The following PCDH17 variants were observed in gnomAD, a reference collection of about 807,000 sequenced individuals.
PCDH17 encodes protocadherin 17, also known as protocadherin-17.
PCDH17 carries 21 observed loss-of-function variants against 67.7 expected under a neutral mutation model. That is an observed-to-expected ratio of 0.31 (90% CI 0.22 to 0.45). PCDH17 has a LOEUF of 0.45. PCDH17 is among the 20% of genes least tolerant of loss of function. The pLI is 1.00. For synonymous variants in PCDH17, 701 were observed against 656.7 expected, an observed-to-expected ratio of 1.07 and a Z score of -1.03; for missense variants, 1,471 against 1,564.8, an observed-to-expected ratio of 0.94 and a Z score of 1.01.
At chr13:57,641,569 A>G (rs1954894931) in intron 1 of PCDH17, among the ~76,000 whole-genome samples, 1 of 22,092 alleles carries the variant, frequency 4.5e-5, no homozygotes, top group Admixed American at 4.2e-4. Flanking sequence ...AAAAAAAAAA[A>G]AAAAAAAAAA....
intron 3 of PCDH17, among the ~76,000 whole-genome samples, chr13:57,719,409 G>A (rs1259312116): frequency 6.6e-6 from 1 of 151,912 alleles, no homozygotes; most frequent in African/African-American, 2.4e-5. Flanking sequence ...ATAGATTTTG[G>A]TTTTTAAGTG....
chr13:57,671,279 A>G (rs1955318288), intron 3 of PCDH17, among the ~76,000 whole-genome samples: 1 of 151,738 alleles, frequency 6.6e-6, no homozygotes, highest in South Asian at 2.1e-4. Context: ...TAAAAATGGG[A>G]AAAGAAAACC....
Position 57,727,478 on chromosome 13 carries a change from A to G in PCDH17, c.*2184A>G, listed in dbSNP as rs1419038607. On this transcript the variant is annotated 3_prime_UTR_variant, in exon 4 of 4. Coordinates refer to ENST00000377918, the MANE Select transcript of PCDH17 (RefSeq NM_001040429.3). ...AAAATATTTCCGCCAAATGCCATCA[A>G]TATTTTAGACTGTACCTCGTTTGCA... The G allele has an allele frequency of 6.6e-6, 1 of 152,208 alleles. No homozygotes were observed. Among genetic ancestry groups the G allele is most frequent in the Non-Finnish European group, 1.5e-5 (1 of 68,024 alleles). The allele number at this position is 152,208 out of a possible 1,614,324, so 9.4% of individuals were successfully genotyped here.
chr13:57,630,753 AGACT>A (rs1457667528), upstream of PCDH17, among the ~76,000 whole-genome samples: 1 of 152,156 alleles, frequency 6.6e-6, no homozygotes, highest in Non-Finnish European at 1.5e-5. Context: ...TTCTTTCTAT[AGACT>A]GAGTCAGAGA....
intron 1 of PCDH17, among the ~76,000 whole-genome samples, chr13:57,642,485 T>C (rs1350008578): frequency 1.3e-5 from 2 of 151,710 alleles, no homozygotes; most frequent in Non-Finnish European, 3.0e-5. Flanking sequence ...ATCTATGCTT[T>C]ACAGTTACCT....
At chr13:57,701,969 G>A (rs1002401402) in intron 3 of PCDH17, among the ~76,000 whole-genome samples, 2 of 152,178 alleles carry the variant, frequency 1.3e-5, no homozygotes, top group East Asian at 3.9e-4. Flanking sequence ...CCAGGCTGGA[G>A]TGCAGTGGCA....
chr13:57,710,554 A>T (rs9597592), intron 3 of PCDH17, among the ~76,000 whole-genome samples: 10,311 of 151,974 alleles, frequency 0.068, 1,209 homozygotes, highest in African/African-American at 0.24. Context: ...GTAAAAAAAC[A>T]GGAAAAAGTA....
chr13:57,665,122 G>C (rs888341471), intron 1 of PCDH17, among the ~76,000 whole-genome samples: 3 of 151,974 alleles, frequency 2.0e-5, no homozygotes, highest in Non-Finnish European at 2.9e-5. Flanking sequence ...CGTGTACTTT[G>C]ATAAATGTCA....
Position 57,631,764 on chromosome 13 carries a change from G to A in PCDH17, c.-783G>A, listed in dbSNP as rs1566210514. On this transcript the variant is annotated 5_prime_UTR_variant, in exon 1 of 4. Coordinates refer to ENST00000377918, the MANE Select transcript of PCDH17 (RefSeq NM_001040429.3). ...ACGCTGCATTTCCTCCCCTCCCTTT[G>A]GCTGCTCGGAAAGGAGAGAGAGGAA... The A allele has an allele frequency of 7.8e-6, 1 of 129,010 alleles. No homozygotes were observed. 8.0% of individuals were successfully genotyped at this position (129,010 alleles called of 1,614,324 possible). A position where few individuals can be genotyped will look rare whatever the true frequency, so the allele number is the denominator to read the frequency against.
chr13:57,685,663 G>A (rs1955498295), intron 3 of PCDH17, among the ~76,000 whole-genome samples: 1 of 151,964 alleles, frequency 6.6e-6, no homozygotes, highest in Admixed American at 6.6e-5. Context: ...TCTTACCTGT[G>A]GGTGTGTGGT....
chr13:57,662,468 A>G (rs1253050711), intron 1 of PCDH17, among the ~76,000 whole-genome samples: 2 of 152,158 alleles, frequency 1.3e-5, no homozygotes, highest in Non-Finnish European at 2.9e-5. Flanking sequence ...TTTAAAAAAT[A>G]TTTGTTGAAC....
chr13:57,647,643 G>T (rs938721136), intron 1 of PCDH17, among the ~76,000 whole-genome samples: 10 of 151,732 alleles, frequency 6.6e-5, no homozygotes, highest in African/African-American at 2.4e-4. Context: ...TAATAGACAA[G>T]AAACTTTTGT....
At chr13:57,665,382 A>T (rs891006913) in intron 1 of PCDH17, among the ~76,000 whole-genome samples, 1 of 152,070 alleles carries the variant, frequency 6.6e-6, no homozygotes, top group African/African-American at 2.4e-5. Context: ...TGGGAAGAAG[A>T]AAAAAAGAAT....
At chr13:57,686,408 G>A (rs1277083005) in intron 3 of PCDH17, among the ~76,000 whole-genome samples, 4 of 152,080 alleles carry the variant, frequency 2.6e-5, no homozygotes, top group African/African-American at 9.6e-5. Flanking sequence ...ATATAAGGGA[G>A]AAGCATAACA....
intron 3 of PCDH17, among the ~76,000 whole-genome samples, chr13:57,706,295 T>C (rs1955720929): frequency 4.6e-5 from 7 of 152,134 alleles, no homozygotes; most frequent in Admixed American, 4.6e-4. Flanking sequence ...TTTGCCAAAT[T>C]GTTTATTTGT....
At chr13:57,688,644 A>G (rs1566236225) in intron 3 of PCDH17, among the ~76,000 whole-genome samples, 1 of 152,106 alleles carries the variant, frequency 6.6e-6, no homozygotes, top group Admixed American at 6.6e-5. Flanking sequence ...AAGGTACTTG[A>G]CTGTATCATC....
intron 3 of PCDH17, among the ~76,000 whole-genome samples, chr13:57,700,458 A>AG (rs1955651591): frequency 6.6e-6 from 1 of 151,922 alleles, no homozygotes; most frequent in Admixed American, 6.6e-5. Context: ...AGCTGGGACT[A>AG]CAGGCGCGTG....
chr13:57,720,610 A>G (rs151317121), intron 3 of PCDH17, among the ~76,000 whole-genome samples: 1 of 152,174 alleles, frequency 6.6e-6, no homozygotes, highest in East Asian at 1.9e-4. Context: ...GGTAATTGCT[A>G]GTAGTTAATG....
chr13:57,647,031 G>T (rs1053605696), intron 1 of PCDH17, among the ~76,000 whole-genome samples: 3 of 151,730 alleles, frequency 2.0e-5, no homozygotes, highest in African/African-American at 7.2e-5. Flanking sequence ...TCCATAATCT[G>T]TTTGTGTTTT....
Sources: allele counts gnomAD v4.1 joint callset (sites outside exome capture counted in the v4.1 genomes callset), GRCh38; gene constraint gnomAD v4.1.1; transcripts MANE v1.5; gene names NCBI Gene and HGNC (gene_info 2026-07-23, HGNC 2026-07-21).